The following SLC13A1 variants were observed in gnomAD, a reference collection of about 807,000 sequenced individuals.
The protein encoded by SLC13A1 is Na(+)/sulfate cotransporter.
In SLC13A1, 65 loss-of-function variants were observed where a neutral mutation model predicts 70.0. The observed-to-expected ratio is 0.93, with a 90% CI of 0.76 to 1.14. The LOEUF (loss-of-function observed/expected upper bound fraction) is 1.14, where lower values mean the gene tolerates loss of function less well. SLC13A1 is among the 50% of genes most tolerant of loss of function. SLC13A1 has a pLI of 0.00. For synonymous variants in SLC13A1, 275 were observed against 250.5 expected, an observed-to-expected ratio of 1.10 and a Z score of -0.92; for missense variants, 726 against 717.8, an observed-to-expected ratio of 1.01 and a Z score of -0.13.
intron 10 of SLC13A1, among the ~76,000 whole-genome samples, chr7:123,127,864 T>TC (rs1206736839): frequency 1.4e-5 from 2 of 141,392 alleles, no homozygotes; most frequent in Admixed American, 1.4e-4. Context: ...TTTTTTTTTT[T>TC]TTGCTGGGGG....
intron 6 of SLC13A1, chr7:123,149,751 C>T (rs375897984): frequency 2.5e-6 from 1 of 399,428 alleles, no homozygotes. Flanking sequence ...CTTCTTCCAA[C>T]TTTGCTGTTG....
At chr7:123,191,141 A>T (rs1795983002) in intron 1 of SLC13A1, among the ~76,000 whole-genome samples, 1 of 151,930 alleles carries the variant, frequency 6.6e-6, no homozygotes, top group South Asian at 2.1e-4. Flanking sequence ...GCCAGTTCCT[A>T]GTTCCTGGTT....
intron 1 of SLC13A1, among the ~76,000 whole-genome samples, chr7:123,183,069 A>G (rs915103584): frequency 1.3e-5 from 2 of 152,042 alleles, no homozygotes; most frequent in East Asian, 1.9e-4. Context: ...ACTCTAATTC[A>G]TAGTATTCAG....
At chr7:123,188,932 G>A (rs528676400) in intron 1 of SLC13A1, among the ~76,000 whole-genome samples, 2 of 151,132 alleles carry the variant, frequency 1.3e-5, no homozygotes, top group South Asian at 2.1e-4. Flanking sequence ...CGGCTAAAAC[G>A]GTGAAACCCC....
chr7:123,199,848 C>A lies in SLC13A1; in HGVS notation c.99G>T (p.Lys33Asn), dbSNP rs752320899. Residue 33 changes from lysine to asparagine, a missense_variant and splice_region_variant, in exon 1 of 15, where the codon AAG becomes AAT. Coordinates refer to ENST00000194130, the MANE Select transcript of SLC13A1 (RefSeq NM_022444.4). ...LLPLPIVLHT[K>N]EAECAYTLFV... ...CAGTCTGTTCTCCAGGTTCACTCAC[C>A]TTGGTGTGGAGGACGATGGGCAGAG... The A allele has an allele frequency of 6.2e-7, 1 of 1,607,378 alleles. No individual in the cohort carries two copies. The highest frequency in any genetic ancestry group is 2.2e-5 in the East Asian group (1 of 44,792).
At chr7:123,168,025 C>T (rs1297556281) in intron 6 of SLC13A1, among the ~76,000 whole-genome samples, 3 of 152,000 alleles carry the variant, frequency 2.0e-5, no homozygotes, top group Non-Finnish European at 2.9e-5. Context: ...CAAACCTGCA[C>T]ATGTACCCCT....
At chr7:123,161,804 TAGC>T (rs1175546153) in intron 6 of SLC13A1, among the ~76,000 whole-genome samples, 2 of 152,148 alleles carry the variant, frequency 1.3e-5, no homozygotes, top group Non-Finnish European at 2.9e-5. Context: ...ATTTGGACTA[TAGC>T]TAACTTGGCA....
rs147036046 is a variant in SLC13A1 at position 123,186,211 on chromosome 7, G to GA, written c.100-5111dup. Among the ~76,000 whole-genome samples, 1,018 of 149,658 alleles carry GA rather than the reference G, an allele frequency of 6.8e-3. 10 individuals carry two copies. Among genetic ancestry groups the GA allele is most frequent in the African/African-American group, 0.022 (919 of 40,860 alleles). The stretch of plus-strand genomic sequence containing the variant: ...AAGAAGAAGAAAAGTATAAGAGATA[G>GA]AAAAAAAAACAACCATTTTCTTCTT... On this transcript the variant is annotated intron_variant, in intron 1 of 14. Transcript: ENST00000194130.
intron 6 of SLC13A1, among the ~76,000 whole-genome samples, chr7:123,164,348 G>T (rs1467177637): frequency 6.6e-6 from 1 of 151,584 alleles, no homozygotes; most frequent in Non-Finnish European, 1.5e-5. Flanking sequence ...TATTGCCTTT[G>T]GGGAGAAATA....
intron 7 of SLC13A1, among the ~76,000 whole-genome samples, chr7:123,146,557 C>G (rs1316918907): frequency 6.6e-6 from 1 of 152,108 alleles, no homozygotes; most frequent in African/African-American, 2.4e-5. Flanking sequence ...AATGTAAGTA[C>G]CTGCAAATTG....
chr7:123,164,873 C>A (rs1354044653), intron 6 of SLC13A1, among the ~76,000 whole-genome samples: 1 of 150,924 alleles, frequency 6.6e-6, no homozygotes, highest in Admixed American at 6.6e-5. Context: ...TTAATTTATA[C>A]CACTCTCCCC....
intron 1 of SLC13A1, among the ~76,000 whole-genome samples, chr7:123,197,489 A>G (rs747065947): frequency 6.6e-6 from 1 of 152,162 alleles, no homozygotes; most frequent in Non-Finnish European, 1.5e-5. Context: ...TATACCCTCC[A>G]AAGGCCTACA....
intron 6 of SLC13A1, among the ~76,000 whole-genome samples, chr7:123,165,269 C>A (rs989149089): frequency 6.6e-6 from 1 of 152,028 alleles, no homozygotes. Flanking sequence ...AAAAACTATT[C>A]CTGTTTTTAT....
At chr7:123,156,026 G>A (rs1292578452) in intron 6 of SLC13A1, among the ~76,000 whole-genome samples, 1 of 152,132 alleles carries the variant, frequency 6.6e-6, no homozygotes, top group African/African-American at 2.4e-5. Context: ...GAGGAAGAAA[G>A]TAGAAGATTT....
At chr7:123,151,366 ATGTG>A (rs558304741) in intron 6 of SLC13A1, among the ~76,000 whole-genome samples, 7 of 145,644 alleles carry the variant, frequency 4.8e-5, no homozygotes, top group Non-Finnish European at 6.0e-5. Context: ...ATTTGAATAT[ATGTG>A]TGTGTGTGTG....
chr7:123,141,544 T>TTC (rs146836017), intron 7 of SLC13A1, among the ~76,000 whole-genome samples: 140 of 151,452 alleles, frequency 9.2e-4, no homozygotes, highest in African/African-American at 3.1e-3. Flanking sequence ...TGAGGTCTCT[T>TTC]TCTCTCTCTC....
intron 1 of SLC13A1, among the ~76,000 whole-genome samples, chr7:123,198,257 G>A (rs1174847114): frequency 2.0e-5 from 3 of 151,982 alleles, no homozygotes; most frequent in Admixed American, 6.6e-5. Flanking sequence ...CATCTGATGG[G>A]GCTGCCAGAG....
At chr7:123,124,430 T>C (rs1398397499) in intron 11 of SLC13A1, among the ~76,000 whole-genome samples, 1 of 152,238 alleles carries the variant, frequency 6.6e-6, no homozygotes, top group East Asian at 1.9e-4. Flanking sequence ...TATGCTGTGC[T>C]GGTCACATAT....
chr7:123,157,322 G>A (rs60055339), intron 6 of SLC13A1, among the ~76,000 whole-genome samples: 43 of 152,110 alleles, frequency 2.8e-4, no homozygotes, highest in African/African-American at 7.2e-4. Flanking sequence ...TTTATCCACC[G>A]TAGTTAATAA....
Sources: allele counts gnomAD v4.1 joint callset (sites outside exome capture counted in the v4.1 genomes callset), GRCh38; gene constraint gnomAD v4.1.1; transcripts MANE v1.5; gene names NCBI Gene and HGNC (gene_info 2026-07-23, HGNC 2026-07-21).